The following CTNNA3 variants were observed in gnomAD, a reference collection of about 807,000 sequenced individuals.
CTNNA3 encodes catenin alpha 3.
In CTNNA3, 76 loss-of-function variants were observed where a neutral mutation model predicts 95.7. The ratio of observed to expected loss-of-function variants is 0.79; its 90% CI spans 0.66 to 0.96. CTNNA3 has a LOEUF of 0.96. CTNNA3 is among the 40% of genes least tolerant of loss of function. The probability of loss-of-function intolerance (pLI) is 0.00; values close to 1 mark genes in which losing one functional copy is unlikely to be tolerated. For synonymous variants in CTNNA3, 431 were observed against 374.4 expected (o/e 1.15, Z -1.74); for missense variants, 1,191 against 1,089.8 (o/e 1.09, Z -1.31).
At chr10:67,391,478 C>T (rs936499942) in intron 5 of CTNNA3, among the ~76,000 whole-genome samples, 6 of 152,106 alleles carry the variant, frequency 3.9e-5, no homozygotes, top group African/African-American at 1.2e-4. Flanking sequence ...GGCCATACTG[C>T]CCAAGGTAAT....
chr10:67,021,889 GA>G (rs572311746), intron 7 of CTNNA3, among the ~76,000 whole-genome samples: 5 of 152,286 alleles, frequency 3.3e-5, no homozygotes, highest in African/African-American at 1.2e-4. Context: ...AGGGATGAAT[GA>G]AAAGAAGGAT....
intron 5 of CTNNA3, among the ~76,000 whole-genome samples, chr10:67,281,135 GA>G (rs149732508): frequency 1.7e-4 from 25 of 143,396 alleles, no homozygotes; most frequent in African/African-American, 5.1e-4. Flanking sequence ...TTACACTTTT[GA>G]AAAAAAAAAT....
chr10:66,362,717 C>T (rs1193355754), intron 12 of CTNNA3, among the ~76,000 whole-genome samples: 1 of 150,510 alleles, frequency 6.6e-6, no homozygotes, highest in Non-Finnish European at 1.5e-5. Flanking sequence ...CTTCCCCCTG[C>T]CGACCAAAAA....
intron 1 of CTNNA3, among the ~76,000 whole-genome samples, chr10:67,757,654 C>T (rs538048736): frequency 2.7e-4 from 41 of 152,140 alleles, no homozygotes; most frequent in African/African-American, 8.2e-4. Flanking sequence ...AGACTTACAC[C>T]GGTGGTTTGC....
chr10:67,690,911 C>G (rs1401483540), intron 1 of CTNNA3, among the ~76,000 whole-genome samples: 1 of 152,084 alleles, frequency 6.6e-6, no homozygotes, highest in Non-Finnish European at 1.5e-5. Context: ...CTCCCTCTCC[C>G]TCTCTTTCCA....
intron 1 of CTNNA3, among the ~76,000 whole-genome samples, chr10:67,667,131 C>G (rs1041492822): frequency 3.3e-5 from 5 of 152,100 alleles, no homozygotes; most frequent in Non-Finnish European, 7.4e-5. Context: ...GCTAAATTTT[C>G]ATTATATATT....
At chr10:67,406,328 A>G (rs1845137333) in intron 5 of CTNNA3, among the ~76,000 whole-genome samples, 2 of 152,180 alleles carry the variant, frequency 1.3e-5, no homozygotes, top group South Asian at 4.1e-4. Context: ...GTTCCTGAAC[A>G]ACTGTTGGAT....
At chr10:67,339,653 A>G (rs1842109947) in intron 5 of CTNNA3, among the ~76,000 whole-genome samples, 1 of 152,068 alleles carries the variant, frequency 6.6e-6, no homozygotes, top group Non-Finnish European at 1.5e-5. Context: ...ATGTTCTGAT[A>G]TATTATGCTC....
intron 7 of CTNNA3, among the ~76,000 whole-genome samples, chr10:66,803,886 T>C (rs1447788088): frequency 6.6e-6 from 1 of 151,930 alleles, no homozygotes; most frequent in Non-Finnish European, 1.5e-5. Context: ...TGCATTTAAC[T>C]TGCCAACAAT....
At chr10:66,428,874 G>T (rs1237613141) in intron 11 of CTNNA3, among the ~76,000 whole-genome samples, 3 of 151,914 alleles carry the variant, frequency 2.0e-5, no homozygotes, top group Non-Finnish European at 4.4e-5. Flanking sequence ...ACATTCAAAA[G>T]CTAGCAGAAG....
chr10:66,462,524 A>G (rs2093536619), intron 11 of CTNNA3, among the ~76,000 whole-genome samples: 1 of 152,136 alleles, frequency 6.6e-6, no homozygotes, highest in Admixed American at 6.6e-5. Flanking sequence ...ATTTATTAAT[A>G]TCATTCTTTC....
At chr10:66,607,866 G>T (rs1844185228) in intron 10 of CTNNA3, among the ~76,000 whole-genome samples, 1 of 152,108 alleles carries the variant, frequency 6.6e-6, no homozygotes, top group Non-Finnish European at 1.5e-5. Flanking sequence ...AAAGCTGGAA[G>T]CACTTCCTTG....
chr10:66,687,860 A>G lies in CTNNA3; in HGVS notation c.1282-66076T>C, dbSNP rs918774740. Among the ~76,000 whole-genome samples the G allele has an allele frequency of 2.0e-4, 31 of 152,188 alleles. No individual in the cohort carries two copies. The East Asian group carries it at 2.5e-3, about 12-fold the overall frequency. On this transcript the variant is annotated intron_variant, in intron 9 of 17. Transcript: ENST00000433211. ...TATTTTCTTTTGGGAGGCATTTCAT[A>G]TATTCCATAATTTATTGAGGAAAAA...
At chr10:66,571,311 C>T (rs1194662964) in intron 10 of CTNNA3, among the ~76,000 whole-genome samples, 1 of 152,212 alleles carries the variant, frequency 6.6e-6, no homozygotes, top group East Asian at 1.9e-4. Flanking sequence ...TTGGTTATCG[C>T]ATTCCCTTTT....
chr10:67,366,548 G>C (rs1649840857), intron 5 of CTNNA3, among the ~76,000 whole-genome samples: 1 of 152,056 alleles, frequency 6.6e-6, no homozygotes, highest in South Asian at 2.1e-4. Flanking sequence ...GGGTGAGGCA[G>C]GAGAATTGCT....
intron 5 of CTNNA3, among the ~76,000 whole-genome samples, chr10:67,372,390 G>T (rs964154305): frequency 2.0e-5 from 3 of 152,016 alleles, no homozygotes; most frequent in African/African-American, 7.3e-5. Context: ...AATCCATATT[G>T]AATTATGAAA....
intron 13 of CTNNA3, among the ~76,000 whole-genome samples, chr10:66,107,698 C>G (rs911994978): frequency 4.6e-5 from 7 of 151,882 alleles, no homozygotes; most frequent in Admixed American, 3.3e-4. Flanking sequence ...TTCAGGATCC[C>G]TAATGAAACA....
At chr10:66,978,546 A>AG (rs1465025333) in intron 7 of CTNNA3, among the ~76,000 whole-genome samples, 1 of 71,738 alleles carries the variant, frequency 1.4e-5, no homozygotes, top group Non-Finnish European at 3.1e-5. Flanking sequence ...AAAAAAAAAA[A>AG]AAAAAAATAT....
intron 2 of CTNNA3, among the ~76,000 whole-genome samples, chr10:67,622,527 T>C (rs1843881280): frequency 6.6e-6 from 1 of 152,106 alleles, no homozygotes; most frequent in South Asian, 2.1e-4. Context: ...TGAGAAGAGG[T>C]GAAGCACATA....
Sources: allele counts gnomAD v4.1 joint callset (sites outside exome capture counted in the v4.1 genomes callset), GRCh38; gene constraint gnomAD v4.1.1; transcripts MANE v1.5; gene names NCBI Gene and HGNC (gene_info 2026-07-23, HGNC 2026-07-21).